The following SPON2 variants were observed in gnomAD, a reference collection of about 807,000 sequenced individuals.
SPON2 encodes spondin-2.
In SPON2, 32 loss-of-function variants were observed where a neutral mutation model predicts 29.9. The observed-to-expected ratio is 1.07, with a 90% CI of 0.81 to 1.44. SPON2 has a LOEUF of 1.44. Ranked by LOEUF, SPON2 falls within the 40% of genes most tolerant of loss-of-function variation. The pLI, the probability that SPON2 is intolerant of heterozygous loss-of-function variation, is 0.00. For synonymous variants in SPON2, 248 were observed against 209.1 expected, an observed-to-expected ratio of 1.19 and a Z score of -1.61; for missense variants, 541 against 455.5, an observed-to-expected ratio of 1.19 and a Z score of -1.71.
chr4:1,167,485 T>C lies in SPON2; in HGVS notation c.983A>G (p.Asp328Gly), dbSNP rs1291381084. 2.5e-6 allele frequency: 4 copies of C among 1,613,212 alleles called. No homozygotes were observed. Among genetic ancestry groups the C allele is most frequent in the African/African-American group, 1.3e-5 (1 of 74,912 alleles). ...ELEEEAECVP[D>G]NCV ...GGGGCTCTGGTCTTAGACGCAGTTA[T>C]CAGGGACGCACTCAGCCTCTTCTTC... The change falls in exon 6 of 6, where the codon GAT becomes GGT. Residue 328 changes from aspartate (D) to glycine (G), a missense_variant. Asp to Gly is a moderately conservative substitution (Grantham distance 94). Transcript: ENST00000290902.
chr4:1,167,839 C>T (rs1215658519), intron 5 of SPON2, 183 bp from the exon 6 acceptor site: 2 of 557,736 alleles, frequency 3.6e-6, no homozygotes, highest in Non-Finnish European at 6.0e-6. Flanking sequence ...ATAGCAACCT[C>T]GGACACAACC....
intron 1 of SPON2, among the ~76,000 whole-genome samples, chr4:1,203,961 C>T (rs1011564922): frequency 6.6e-6 from 1 of 152,134 alleles, no homozygotes; most frequent in African/African-American, 2.4e-5. Flanking sequence ...ACCTCTGCCT[C>T]CCAGGTTCAA....
At chr4:1,178,640 A>AC (rs1373847591) in intron 2 of SPON2, among the ~76,000 whole-genome samples, 2 of 77,876 alleles carry the variant, frequency 2.6e-5, no homozygotes, top group Admixed American at 1.6e-4. Context: ...TGCAGGCCCC[A>AC]CCCCCCACCC....
Position 1,172,390 on chromosome 4 carries a change from T to G in SPON2, c.-4+154A>C, listed in dbSNP as rs1727488285. On this transcript the variant is annotated intron_variant, in intron 1 of 5. Transcript: ENST00000290902. ...TTCGCCGTCGCAGGGACCCGGGGCC[T>G]TGGCCGACTGGCTGCCCCCGGGACT... 1.2e-5 allele frequency: 6 copies of G among 483,692 alleles called. No individual in the cohort carries two copies. The South Asian group carries it at 1.3e-4, about 11-fold the overall frequency. 30.0% of individuals were successfully genotyped at this position (483,692 alleles called of 1,614,324 possible). A position where few individuals can be genotyped will look rare whatever the true frequency, so the allele number is the denominator to read the frequency against.
At chr4:1,198,949 C>T (rs1489097227), upstream of SPON2, 1 of 151,596 alleles carries the variant, frequency 6.6e-6, no homozygotes, top group Non-Finnish European at 1.5e-5. Flanking sequence ...ACTCGTGGGG[C>T]CTGCTGCTGT....
chr4:1,196,610 C>A (rs1230121006), upstream of SPON2, among the ~76,000 whole-genome samples: 7 of 152,218 alleles, frequency 4.6e-5, no homozygotes, highest in Non-Finnish European at 7.3e-5. Flanking sequence ...TGTCTCCTCT[C>A]CTGCAGAAAC....
intron 2 of SPON2, 173 bp downstream of exon 2, chr4:1,171,679 C>A: frequency 2.6e-6 from 2 of 759,216 alleles, no homozygotes; most frequent in East Asian, 2.6e-5. Flanking sequence ...GCCCCCTGCC[C>A]CCACCGCATC....
At position 1,202,894 on chromosome 4, in the gene SPON2, T is replaced by G. The variant is rs1394509186; in HGVS notation, c.-234+4986A>C. 1.3e-5 allele frequency among the ~76,000 whole-genome samples: 2 copies of G among 152,228 alleles called. No homozygotes were observed. Among genetic ancestry groups the G allele is most frequent in the East Asian group, 3.9e-4 (2 of 5,164 alleles). On this transcript the variant is annotated intron_variant, in intron 1 of 3. Transcript: ENST00000509233. This position sits in a 1 kb window ranked among gnomAD's most constrained non-coding sequence, Gnocchi z 5.4. ...GGTTGGAGCTGCGCCTGCACCTGCCTGAGCCATGGCTGGGGCGGCCAAGGA... is the reference window on the plus strand; with the variant it reads ...GGTTGGAGCTGCGCCTGCACCTGCCGGAGCCATGGCTGGGGCGGCCAAGGA...
At chr4:1,193,191 G>C (rs1483821661) in intron 1 of SPON2, among the ~76,000 whole-genome samples, 2 of 152,228 alleles carry the variant, frequency 1.3e-5, no homozygotes, top group Non-Finnish European at 2.9e-5. Context: ...GGCTGACCCT[G>C]CCTTTGATCT....
chr4:1,170,998 C>T lies in SPON2; in HGVS notation c.636+1G>A, dbSNP rs113269273. On this transcript the variant is annotated splice_donor_variant, in intron 4 of 5. Transcript: ENST00000290902. LOFTEE classifies it high-confidence loss of function. ...CTTGCGCACGCGGGGTGCCCACTCA[C>T]CTCGGTCACCGTGTCCTGCGGGATG... The T allele has an allele frequency of 1.9e-6, 3 of 1,547,996 alleles. No homozygotes were observed. The highest frequency in any genetic ancestry group is 2.4e-5 in the South Asian group (2 of 83,858).
chr4:1,205,724 C>CA (rs1728325303), intron 1 of SPON2, among the ~76,000 whole-genome samples: 1 of 152,168 alleles, frequency 6.6e-6, no homozygotes, highest in African/African-American at 2.4e-5. Flanking sequence ...CCAGGGCCTC[C>CA]AGGCCCGCCC....
Position 1,171,064 on chromosome 4 carries a change from T to G in SPON2, c.571A>C (p.Thr191Pro). The change falls in exon 4 of 6, where the codon ACG (threonine) becomes CCG (proline). Residue 191 changes from threonine to proline, a missense_variant. By Grantham distance (38) the Thr-to-Pro change is conservative (BLOSUM62 -1). Coordinates refer to ENST00000290902, the MANE Select transcript of SPON2 (RefSeq NM_012445.4). ...GAGGAGAAGGTGAAGCCGCTGTCCG[T>G]CCCGGCGTCGTAGGGGTACAGGTCC... ...ALDLYPYDAG[T>P]DSGFTFSSPN... 6.5e-7 allele frequency: 1 copy of G among 1,549,880 alleles called. No homozygotes were observed. Among genetic ancestry groups the G allele is most frequent in the East Asian group, 2.4e-5 (1 of 40,910 alleles).
chr4:1,206,001 C>T (rs1018969764), intron 1 of SPON2, among the ~76,000 whole-genome samples: 1 of 151,786 alleles, frequency 6.6e-6, no homozygotes, highest in African/African-American at 2.4e-5. Context: ...CCAACCCTGA[C>T]CAGGGAGTGG....
upstream of SPON2, among the ~76,000 whole-genome samples, chr4:1,175,461 G>A (rs1378815448): frequency 1.3e-5 from 2 of 152,234 alleles, no homozygotes; most frequent in Non-Finnish European, 2.9e-5. Flanking sequence ...CCCCCACTTG[G>A]CGGTGGGCCC....
chr4:1,207,149 C>T (rs911853181), intron 1 of SPON2, among the ~76,000 whole-genome samples: 3 of 151,958 alleles, frequency 2.0e-5, no homozygotes, highest in African/African-American at 7.3e-5. Flanking sequence ...TGACCTGGGA[C>T]GCCAGGGCTG....
intron 1 of SPON2, chr4:1,200,990 G>C (rs2108680107): frequency 2.2e-6 from 1 of 456,742 alleles, no homozygotes; most frequent in East Asian, 6.9e-5. Context: ...AGACGGTTCT[G>C]GCCCCTCCCG....
chr4:1,183,554 G>A (rs1233196658), intron 1 of SPON2, among the ~76,000 whole-genome samples: 3 of 152,224 alleles, frequency 2.0e-5, no homozygotes, highest in Admixed American at 1.3e-4. Flanking sequence ...TAGTATTCTC[G>A]TCACTTTGGT....
intron 1 of SPON2, among the ~76,000 whole-genome samples, chr4:1,185,425 C>T (rs7659624): frequency 0.57 from 86,311 of 151,258 alleles, 27,176 homozygotes; most frequent in Admixed American, 0.7. Flanking sequence ...CATCCACATG[C>T]AAAAGAATGA....
chr4:1,177,600 C>T (rs943094525), upstream of SPON2, among the ~76,000 whole-genome samples: 4 of 152,182 alleles, frequency 2.6e-5, no homozygotes, highest in Non-Finnish European at 5.9e-5. Context: ...AGGCTGTGGC[C>T]CTGCCCCGGG....
Sources: gnomAD v4.1 joint callset for allele counts (sites outside exome capture counted in the v4.1 genomes callset) on GRCh38, gnomAD v4.1.1 for gene constraint, Gnocchi (gnomAD v3.1) non-coding constraint, MANE v1.5 for transcripts, NCBI Gene and HGNC (gene_info 2026-07-23, HGNC 2026-07-21) for gene names.